Variants in MBTD1 observed in about 807,000 individuals in gnomAD.
The protein encoded by MBTD1 is mbt domain containing 1.
In MBTD1, 24 loss-of-function variants were observed where a neutral mutation model predicts 87.8. The ratio of observed to expected loss-of-function variants is 0.27; its 90% CI spans 0.20 to 0.38. MBTD1 has a LOEUF of 0.38. Among genes scored for constraint, MBTD1 ranks in the 10% least tolerant of loss-of-function variants. The pLI is 1.00. For synonymous variants in MBTD1, 237 were observed against 248.6 expected (o/e 0.95, Z 0.44); for missense variants, 436 against 760.2 (o/e 0.57, Z 5.02).
rs753561990 is a variant in MBTD1, at chr17:51,180,702, A to T, written c.1769-8T>A. The T allele has an allele frequency of 7.0e-7, 1 of 1,437,758 alleles. No homozygotes were observed. The highest frequency in any genetic ancestry group is 1.2e-5 in the South Asian group (1 of 81,868). The allele number at this position is 1,437,758 out of a possible 1,614,324, so 89.1% of individuals were successfully genotyped here. ...TCAGCTGCAGTGTTGTCACTGAATGAAAGAGAGAGAAACATATGGGCATTA... is the reference window on the plus strand; with the variant it reads ...TCAGCTGCAGTGTTGTCACTGAATGTAAGAGAGAGAAACATATGGGCATTA... On this transcript the variant is annotated splice_polypyrimidine_tract_variant and splice_region_variant and intron_variant, in intron 16 of 16. Transcript: ENST00000586178.
At chr17:51,222,569 T>C (rs1479638601) in intron 3 of MBTD1, among the ~76,000 whole-genome samples, 1 of 151,252 alleles carries the variant, frequency 6.6e-6, no homozygotes, top group African/African-American at 2.4e-5. Context: ...CATGCCTGGC[T>C]AATTTTTTGT....
chr17:51,260,741 C>G, upstream of MBTD1: 1 of 1,584,386 alleles, frequency 6.3e-7, no homozygotes. Flanking sequence ...ACCGCCGGCC[C>G]GGCCGAGCGC....
intron 16 of MBTD1, among the ~76,000 whole-genome samples, chr17:51,188,844 C>T (rs2050669456): frequency 6.7e-6 from 1 of 150,296 alleles, no homozygotes. Flanking sequence ...ACTGCAACCT[C>T]CGCCTCCCAG....
chr17:51,247,490 A>G (rs2054516333), intron 2 of MBTD1, among the ~76,000 whole-genome samples: 1 of 140,144 alleles, frequency 7.1e-6, no homozygotes, highest in Non-Finnish European at 1.5e-5. Flanking sequence ...TCTATCGTTC[A>G]GCCTGGAGTG....
At position 51,202,798 on chromosome 17, in the gene MBTD1, G is replaced by A. The variant is rs769084193; in HGVS notation, c.966C>T (p.Ser322=). ...GGRLRLVYEE[S]EDRTDDFWCH... is the part of the protein sequence containing the mutation. ...ACCAGAAGTCATCTGTTCTATCTTC[G>A]CTTTCTTCATACACTAGTCTTAATC... The change falls in exon 10 of 17, where the codon AGC becomes AGT. Residue 322 remains serine, a synonymous_variant. Coordinates refer to ENST00000586178, the MANE Select transcript of MBTD1 (RefSeq NM_017643.3). The A allele has an allele frequency of 3.7e-5, 59 of 1,613,830 alleles. No homozygotes were observed. The highest frequency in any genetic ancestry group is 2.0e-4 in the African/African-American group (15 of 74,896).
In MBTD1 at chr17:51,180,064, T is replaced by G. The variant is rs1401461394; in HGVS notation, c.*512A>C. ...GAAATAATGACCCTTCCATGACCTT[T>G]GTGGTGATGACCCCTCCATGAGGAG... On this transcript the variant is annotated 3_prime_UTR_variant, in exon 17 of 17. Coordinates refer to ENST00000586178, the MANE Select transcript of MBTD1 (RefSeq NM_017643.3). 1 of 152,406 alleles carries G rather than the reference T, an allele frequency of 6.6e-6. No individual in the cohort carries two copies. The highest frequency in any genetic ancestry group is 1.5e-5 in the Non-Finnish European group (1 of 68,242). The allele number at this position is 152,406 out of a possible 1,614,324, so 9.4% of individuals were successfully genotyped here.
rs1033396673 is a variant in MBTD1 at position 51,217,300 on chromosome 17, T to G, written c.486+34A>C. On this transcript the variant is annotated intron_variant, in intron 6 of 16. Transcript: ENST00000586178. ...CCTTCAGATTTAAACAATGACTAAG[T>G]ACTTCAAAATAAGGTGAGAAATTCT... 2.5e-6 allele frequency: 3 copies of G among 1,216,590 alleles called. No homozygotes were observed. In the African/African-American group the frequency reaches 4.6e-5, roughly 19 times the overall value. 75.4% of individuals were successfully genotyped at this position (1,216,590 alleles called of 1,614,324 possible). A position where few individuals can be genotyped will look rare whatever the true frequency, so the allele number is the denominator to read the frequency against.
intron 3 of MBTD1, among the ~76,000 whole-genome samples, chr17:51,223,640 G>A (rs113351614): frequency 6.6e-5 from 10 of 152,118 alleles, no homozygotes; most frequent in African/African-American, 2.2e-4. Context: ...GTTTGAGACC[G>A]GCCTGGCCAA....
At chr17:51,195,426 G>A (rs550257115) in intron 12 of MBTD1, 65 bp from the exon 13 acceptor site, 2 of 1,327,172 alleles carry the variant, frequency 1.5e-6, no homozygotes, top group Non-Finnish European at 2.1e-6. Flanking sequence ...ATAATACTTT[G>A]ACATTCTAAA....
chr17:51,183,339 T>A (rs1033919580), intron 16 of MBTD1: 51 of 152,166 alleles, frequency 3.4e-4, no homozygotes, highest in African/African-American at 1.2e-3. Context: ...ACCTGGCTAA[T>A]TTTTGTATTT....
intron 2 of MBTD1, among the ~76,000 whole-genome samples, chr17:51,229,602 T>G (rs1040012913): frequency 1.3e-5 from 2 of 152,036 alleles, no homozygotes; most frequent in Non-Finnish European, 2.9e-5. Flanking sequence ...AGAAGTTCCC[T>G]TGGGAGGTTA....
intron 6 of MBTD1, among the ~76,000 whole-genome samples, chr17:51,208,787 CTT>C (rs1161558801): frequency 1.3e-5 from 2 of 152,146 alleles, no homozygotes; most frequent in African/African-American, 2.4e-5. Context: ...GTGTCATAGA[CTT>C]TTATTTTTTT....
chr17:51,204,359 C>T (rs1281667349), intron 7 of MBTD1, among the ~76,000 whole-genome samples: 2 of 146,674 alleles, frequency 1.4e-5, no homozygotes, highest in East Asian at 4.0e-4. Flanking sequence ...TGGGTTCAAG[C>T]GATTCTCCTA....
chr17:51,248,289 G>C (rs1420253780), intron 2 of MBTD1, among the ~76,000 whole-genome samples: 1 of 152,024 alleles, frequency 6.6e-6, no homozygotes, highest in African/African-American at 2.4e-5. Flanking sequence ...TCTGAATTGG[G>C]AATTTATTTT....
intron 1 of MBTD1, 47 bp downstream of exon 1, chr17:51,259,788 G>C (rs2055359087): frequency 8.1e-7 from 1 of 1,232,496 alleles, no homozygotes; most frequent in Non-Finnish European, 1.0e-6. Context: ...AGCTGCAGGC[G>C]TCCCCCCCAC....
intron 2 of MBTD1, among the ~76,000 whole-genome samples, chr17:51,236,829 C>A (rs1223249806): frequency 6.6e-6 from 1 of 152,000 alleles, no homozygotes; most frequent in Non-Finnish European, 1.5e-5. Flanking sequence ...ATTCATATGC[C>A]AAAATACCAC....
At chr17:51,212,826 A>G (rs923936193) in intron 6 of MBTD1, among the ~76,000 whole-genome samples, 1 of 151,956 alleles carries the variant, frequency 6.6e-6, no homozygotes, top group African/African-American at 2.4e-5. Flanking sequence ...GCGCAATCTC[A>G]GCTCACTGCA....
rs2053137006 is a variant in MBTD1 at position 51,225,151 on chromosome 17, C to A, written c.11G>T (p.Gly4Val). The A allele has an allele frequency of 6.5e-7, 1 of 1,545,068 alleles. No individual in the cohort carries two copies. The change falls in exon 3 of 17, where the codon GGT becomes GTT. Residue 4 changes from glycine (G) to valine (V), a missense_variant. By Grantham distance (109) the Gly-to-Val change is moderately radical. Transcript: ENST00000586178. MFD[G>V]YDSCSEDTSS... ...TGTGTCCTCACTGCAGCTATCATAA[C>A]CGTCAAACATCCCGAAAGAATCTCT...
chr17:51,192,387 C>A, intron 15 of MBTD1, 107 bp from the exon 16 acceptor site: 1 of 773,768 alleles, frequency 1.3e-6, no homozygotes, highest in Admixed American at 2.7e-5. Flanking sequence ...GACCATTATA[C>A]TTAAGTACAT....
Sources: gnomAD v4.1 joint callset for allele counts (sites outside exome capture counted in the v4.1 genomes callset) on GRCh38, gnomAD v4.1.1 for gene constraint, MANE v1.5 for transcripts, NCBI Gene and HGNC (gene_info 2026-07-23, HGNC 2026-07-21) for gene names.